RBFOX1: variants seen among roughly 807,000 people sequenced by gnomAD.
The protein encoded by RBFOX1 is RNA binding fox-1 homolog 1, also known as RNA binding protein fox-1 homolog 1.
RBFOX1 carries 8 observed loss-of-function variants against 57.7 expected under a neutral mutation model. The ratio of observed to expected loss-of-function variants is 0.14; its 90% CI spans 0.08 to 0.25. The LOEUF is 0.25. Ranked by LOEUF, RBFOX1 falls within the 10% of genes least tolerant of loss-of-function variation. The pLI, the probability that RBFOX1 is intolerant of heterozygous loss-of-function variation, is 1.00. For synonymous variants in RBFOX1, 326 were observed against 222.4 expected (o/e 1.47, Z -4.15); for missense variants, 611 against 548.5 (o/e 1.11, Z -1.14).
intron 10 of RBFOX1, among the ~76,000 whole-genome samples, chr16:7,618,386 T>G (rs183724052): frequency 6.6e-6 from 1 of 152,270 alleles, no homozygotes; most frequent in African/African-American, 2.4e-5. Context: ...AGGAGCAGAT[T>G]ATCAACTGTT....
intron 4 of RBFOX1, among the ~76,000 whole-genome samples, chr16:7,462,950 A>T (rs914243529): frequency 6.6e-6 from 1 of 152,166 alleles, no homozygotes; most frequent in African/African-American, 2.4e-5. Context: ...TCTTCTCCTG[A>T]TCTCAAGATC....
intron 4 of RBFOX1, among the ~76,000 whole-genome samples, chr16:7,056,857 C>T (rs963650328): frequency 1.3e-5 from 2 of 152,100 alleles, no homozygotes; most frequent in East Asian, 1.9e-4. Context: ...ACTCTATAGT[C>T]AGCATACTAG....
chr16:7,324,705 G>C (rs1343389278), intron 4 of RBFOX1, among the ~76,000 whole-genome samples: 2 of 152,192 alleles, frequency 1.3e-5, no homozygotes, highest in African/African-American at 4.8e-5. Context: ...GGGGATTTGA[G>C]TTTGTAATGA....
intron 1 of RBFOX1, among the ~76,000 whole-genome samples, chr16:6,301,321 TTTTG>T (rs1221488848): frequency 5.9e-5 from 9 of 152,260 alleles, no homozygotes; most frequent in South Asian, 2.1e-4. Context: ...TTAAGTGGGC[TTTTG>T]TTTGTTTGTT....
chr16:7,465,494 G>A (rs1567314877), intron 4 of RBFOX1, among the ~76,000 whole-genome samples: 2 of 152,326 alleles, frequency 1.3e-5, no homozygotes, highest in East Asian at 3.9e-4. Flanking sequence ...CTTGTGCATG[G>A]CCTAGCACAT....
intron 5 of RBFOX1, among the ~76,000 whole-genome samples, chr16:7,547,904 C>T (rs910745057): frequency 2.6e-5 from 4 of 152,164 alleles, no homozygotes; most frequent in Non-Finnish European, 5.9e-5. Flanking sequence ...ATACCACCAG[C>T]CGTGTTCCCG....
Position 5,439,340 on chromosome 16 carries a change from C to T in RBFOX1, c.220-27876C>T, listed in dbSNP as rs1597072053. Among the ~76,000 whole-genome samples, 5 of 152,142 alleles carry T rather than the reference C, an allele frequency of 3.3e-5. No homozygotes were observed. The South Asian group carries it at 1.0e-3, about 32-fold the overall frequency. ...TACATGTAATGGGGGAATGGAAGGG[C>T]TTTAAACAGGGAAGTGACATGCTAT... On this transcript the variant is annotated intron_variant, in intron 1 of 2. Transcript: ENST00000585867.
rs537033226 is a variant in RBFOX1 at position 7,314,942 on chromosome 16, A to G, written c.28-203205A>G. 4.0e-3 allele frequency among the ~76,000 whole-genome samples: 613 copies of G among 152,326 alleles called. 5 individuals carry two copies. The highest frequency in any genetic ancestry group is 3.0e-3 in the Non-Finnish European group (201 of 68,032). Reference sequence around the variant, plus strand: ...CCGGATTGGGAATTCTGGATGTAGGAAAGTTTCTTCTCTTGAGTAAGCCAC... The same window carrying G: ...CCGGATTGGGAATTCTGGATGTAGGGAAGTTTCTTCTCTTGAGTAAGCCAC... On this transcript the variant is annotated intron_variant, in intron 4 of 15. Transcript: ENST00000550418.
At chr16:5,899,350 A>G (rs773304664) in intron 4 of RBFOX1, among the ~76,000 whole-genome samples, 6 of 152,136 alleles carry the variant, frequency 3.9e-5, no homozygotes, top group Non-Finnish European at 7.4e-5. Context: ...GAAGCTGTCC[A>G]TTATAGGGGA....
chr16:6,877,808 C>T (rs547965807), intron 3 of RBFOX1, among the ~76,000 whole-genome samples: 1 of 152,194 alleles, frequency 6.6e-6, no homozygotes, highest in Admixed American at 6.5e-5. Context: ...GCTTGTGTAA[C>T]TAGGAGAATA....
intron 4 of RBFOX1, among the ~76,000 whole-genome samples, chr16:7,211,187 C>G (rs59942670): frequency 0.12 from 18,235 of 151,034 alleles, 1,255 homozygotes; most frequent in African/African-American, 0.18. Flanking sequence ...GTCAGGAGAT[C>G]AAGACTGTCC....
intron 4 of RBFOX1, among the ~76,000 whole-genome samples, chr16:7,094,011 G>A (rs765051770): frequency 9.9e-5 from 15 of 151,114 alleles, no homozygotes; most frequent in Non-Finnish European, 1.5e-4. Flanking sequence ...CTTTATGATT[G>A]TGTTTTAAAC....
chr16:6,536,004 C>T (rs1019354955), intron 2 of RBFOX1, among the ~76,000 whole-genome samples: 1 of 152,190 alleles, frequency 6.6e-6, no homozygotes, highest in African/African-American at 2.4e-5. Flanking sequence ...TATCTCTAGG[C>T]TATCCACAAA....
chr16:7,602,296 A>G (rs2095067014), intron 9 of RBFOX1, among the ~76,000 whole-genome samples: 1 of 152,170 alleles, frequency 6.6e-6, no homozygotes, highest in Admixed American at 6.5e-5. Context: ...AGTCCTGGCC[A>G]CGGAGGGGTC....
intron 1 of RBFOX1, among the ~76,000 whole-genome samples, chr16:6,046,883 T>A (rs369082552): frequency 2.1e-3 from 324 of 152,198 alleles, no homozygotes; most frequent in African/African-American, 7.4e-3. Context: ...ATTGGGTGAT[T>A]ATGGAGGGTG....
chr16:7,090,510 C>T (rs188981600), intron 4 of RBFOX1, among the ~76,000 whole-genome samples: 240 of 152,280 alleles, frequency 1.6e-3, no homozygotes, highest in Admixed American at 5.0e-3. Flanking sequence ...CCCATTAAGC[C>T]AGTCCAATTA....
chr16:5,981,694 C>G (rs891293175), intron 4 of RBFOX1, among the ~76,000 whole-genome samples: 11 of 152,232 alleles, frequency 7.2e-5, no homozygotes, highest in African/African-American at 2.6e-4. Flanking sequence ...GTCTTGAACT[C>G]CTGACCTCGA....
intron 2 of RBFOX1, among the ~76,000 whole-genome samples, chr16:6,421,772 C>A (rs959225669): frequency 2.0e-5 from 3 of 152,030 alleles, no homozygotes; most frequent in Non-Finnish European, 4.4e-5. Context: ...TTTATCTCAA[C>A]CTTGGCCCAG....
At chr16:5,540,708 C>G (rs2044899659) in intron 2 of RBFOX1, among the ~76,000 whole-genome samples, 1 of 152,168 alleles carries the variant, frequency 6.6e-6, no homozygotes, top group Non-Finnish European at 1.5e-5. Flanking sequence ...CGGACTCTGA[C>G]TTGTTAAAAA....
Sources: gnomAD v4.1 joint callset for allele counts (sites outside exome capture counted in the v4.1 genomes callset) on GRCh38, gnomAD v4.1.1 for gene constraint, MANE v1.5 for transcripts, NCBI Gene and HGNC (gene_info 2026-07-23, HGNC 2026-07-21) for gene names.